The following CNGB1 variants were observed in gnomAD, a reference collection of about 807,000 sequenced individuals.
The protein encoded by CNGB1 is cyclic nucleotide gated channel subunit beta 1.
Under a neutral mutation model 151.7 loss-of-function variants are expected in CNGB1, and 126 were observed. The ratio of observed to expected loss-of-function variants is 0.83; its 90% CI spans 0.72 to 0.96. CNGB1 has a LOEUF of 0.96. Ranked by LOEUF, CNGB1 falls within the 40% of genes least tolerant of loss-of-function variation. The pLI is 0.00. For synonymous variants in CNGB1, 623 were observed against 635.1 expected, an observed-to-expected ratio of 0.98 and a Z score of 0.29; for missense variants, 1,698 against 1,627.0, an observed-to-expected ratio of 1.04 and a Z score of -0.75.
At chr16:57,895,550 TTTA>T (rs1960200679) in intron 31 of CNGB1, among the ~76,000 whole-genome samples, 1 of 147,422 alleles carries the variant, frequency 6.8e-6, no homozygotes, top group African/African-American at 2.5e-5. Context: ...ATATGTATTT[TTTA>T]TATATATATA....
chr16:57,965,989 T>C (rs1425508010), intron 2 of CNGB1, among the ~76,000 whole-genome samples: 1 of 152,170 alleles, frequency 6.6e-6, no homozygotes, highest in Non-Finnish European at 1.5e-5. Flanking sequence ...ACGCACACCC[T>C]ATACCTGTTT....
At chr16:57,947,411 T>G (rs565488838) in intron 14 of CNGB1, among the ~76,000 whole-genome samples, 1 of 152,262 alleles carries the variant, frequency 6.6e-6, no homozygotes, top group East Asian at 1.9e-4. Flanking sequence ...AACAAGCTGC[T>G]CTAATGAAAC....
chr16:57,897,408 C>A lies in CNGB1; in HGVS notation c.3231G>T (p.Arg1077=). The change falls in exon 31 of 33, where the codon CGG becomes CGT. Residue 1077 remains arginine (R), a synonymous_variant. Coordinates refer to ENST00000251102, the MANE Select transcript of CNGB1 (RefSeq NM_001297.5). Reference sequence around the variant, plus strand: ...GAAAAGTTACATACCTGGCTTTCTTCCGGAGTAACTTCTGAGACTCAGGAT... The same window carrying A: ...GAAAAGTTACATACCTGGCTTTCTTACGGAGTAACTTCTGAGACTCAGGAT... ...VHYPESQKLL[R]KKARRMLRSN... 6.2e-7 allele frequency: 1 copy of A among 1,614,120 alleles called. No individual in the cohort carries two copies. Among genetic ancestry groups the A allele is most frequent in the Non-Finnish European group, 8.5e-7 (1 of 1,180,014 alleles).
At chr16:57,959,568 T>A (rs939235235) in intron 10 of CNGB1, among the ~76,000 whole-genome samples, 1 of 151,988 alleles carries the variant, frequency 6.6e-6, no homozygotes, top group Admixed American at 6.6e-5. Flanking sequence ...CACCACTGCA[T>A]TCCAGCCTAG....
At chr16:57,910,446 C>G (rs1960677744) in intron 25 of CNGB1, among the ~76,000 whole-genome samples, 1 of 152,172 alleles carries the variant, frequency 6.6e-6, no homozygotes, top group South Asian at 2.1e-4. Flanking sequence ...GCAATTTCAT[C>G]TCACCACAAC....
In CNGB1 at chr16:57,967,136, C is replaced by T. The variant is rs1489659962; in HGVS notation, c.151G>A (p.Glu51Lys). ...PNPEEAETESESMPPEESFKE... is the reference protein window; with the variant it reads ...PNPEEAETESKSMPPEESFKE... ...CCCGCTCTACCTCTCACCATGGACT[C>T]GGACTCTGTCTCGGCCTCCTCAGGA... Residue 51 changes from glutamate to lysine, a missense_variant, in exon 2 of 33, where the codon GAG (glutamate) becomes AAG (lysine). Coordinates refer to ENST00000251102, the MANE Select transcript of CNGB1 (RefSeq NM_001297.5). 13 of 1,614,044 alleles carry T rather than the reference C, an allele frequency of 8.1e-6. No individual in the cohort carries two copies. The highest frequency in any genetic ancestry group is 3.3e-5 in the South Asian group (3 of 91,088).
At chr16:57,912,049 G>A in intron 24 of CNGB1, 174 bp from the exon 25 acceptor site, 1 of 782,382 alleles carries the variant, frequency 1.3e-6, no homozygotes, top group Non-Finnish European at 2.1e-6. Flanking sequence ...CCTGGGGCTA[G>A]GATTGGAACA....
chr16:57,912,081 C>T (rs1440627639), intron 24 of CNGB1, among the ~76,000 whole-genome samples: 1 of 151,624 alleles, frequency 6.6e-6, no homozygotes, highest in Admixed American at 6.6e-5. Context: ...GCTGACTGTG[C>T]ACTGGGGGAT....
chr16:57,964,363 C>A, intron 3 of CNGB1, 124 bp downstream of exon 3: 1 of 1,414,642 alleles, frequency 7.1e-7, no homozygotes, highest in Non-Finnish European at 9.9e-7. Flanking sequence ...CCACCCTTAG[C>A]TTCTCTGAGT....
intron 29 of CNGB1, among the ~76,000 whole-genome samples, chr16:57,898,709 C>T (rs1960302075): frequency 6.6e-6 from 1 of 152,204 alleles, no homozygotes; most frequent in Non-Finnish European, 1.5e-5. Flanking sequence ...AGCCACTGTG[C>T]CCAGCCCCAA....
intron 17 of CNGB1, among the ~76,000 whole-genome samples, chr16:57,927,380 C>T (rs1961218385): frequency 6.6e-6 from 1 of 152,218 alleles, no homozygotes; most frequent in African/African-American, 2.4e-5. Flanking sequence ...CCCTCGGCCT[C>T]TACAGAGAGG....
chr16:57,949,321 G>A, intron 14 of CNGB1, 32 bp downstream of exon 14: 2 of 1,604,522 alleles, frequency 1.2e-6, no homozygotes, highest in South Asian at 2.2e-5. Context: ...CAGCCCCAGG[G>A]CCGTTCCCAG....
At chr16:57,889,407 C>T (rs538370586) in intron 31 of CNGB1, among the ~76,000 whole-genome samples, 3 of 152,226 alleles carry the variant, frequency 2.0e-5, no homozygotes, top group African/African-American at 7.2e-5. Context: ...GGAGCTGGGG[C>T]CCCAGTCCTA....
At position 57,917,469 on chromosome 16, in the gene CNGB1, C is replaced by T. The variant is rs1262215377; in HGVS notation, c.1965G>A (p.Met655Ile). 1 of 1,613,946 alleles carries T rather than the reference C, an allele frequency of 6.2e-7. No individual in the cohort carries two copies. The highest frequency in any genetic ancestry group is 8.5e-7 in the Non-Finnish European group (1 of 1,180,016). Residue 655 changes from methionine (M) to isoleucine (I), a missense_variant, in exon 21 of 33, where the codon ATG becomes ATA. Transcript: ENST00000251102. ...CCACGAAGAACAGCCATAGGACATA[C>T]ATCAGGTCTGTGGGGAAGGTTGACG... The part of the protein sequence containing the change: ...PQSIDPLTNL[M>I]YVLWLFFVVM...
At chr16:57,888,211 G>A (rs781584346) in intron 31 of CNGB1, 137 bp from the exon 32 acceptor site, 80 of 855,246 alleles carry the variant, frequency 9.4e-5, no homozygotes, top group Non-Finnish European at 1.3e-4. Flanking sequence ...TTTTTTCTGG[G>A]CCAAGCGTCG....
At chr16:57,900,349 G>A (rs1276890701) in intron 29 of CNGB1, among the ~76,000 whole-genome samples, 1 of 152,212 alleles carries the variant, frequency 6.6e-6, no homozygotes, top group Admixed American at 6.5e-5. Flanking sequence ...ATATAACCTG[G>A]AGACAGGGAC....
chr16:57,904,884 A>G lies in CNGB1; in HGVS notation c.2493-9T>C. On this transcript the variant is annotated splice_polypyrimidine_tract_variant and intron_variant, in intron 25 of 32. Coordinates refer to ENST00000251102, the MANE Select transcript of CNGB1 (RefSeq NM_001297.5). ...AGTAACAGCGAATATAACTGGAGAG[A>G]GAGGAGAAAGGGAACATGGGTCATC... The G allele has an allele frequency of 6.2e-7, 1 of 1,614,144 alleles. No individual in the cohort carries two copies. Among genetic ancestry groups the G allele is most frequent in the Non-Finnish European group, 8.5e-7 (1 of 1,180,024 alleles).
intron 1 of CNGB1, 104 bp from the exon 2 acceptor site, chr16:57,967,398 T>A: frequency 8.0e-7 from 1 of 1,245,976 alleles, no homozygotes; most frequent in Non-Finnish European, 1.2e-6. Context: ...CTTCATCAAC[T>A]TTAAAAACAT....
intron 16 of CNGB1, among the ~76,000 whole-genome samples, chr16:57,933,859 A>C (rs1961430388): frequency 2.0e-5 from 3 of 150,776 alleles, no homozygotes. Context: ...AGTAGCTGGG[A>C]TTACAGGCCC....
Sources: allele counts gnomAD v4.1 joint callset (sites outside exome capture counted in the v4.1 genomes callset), GRCh38; gene constraint gnomAD v4.1.1; transcripts MANE v1.5; gene names NCBI Gene and HGNC (gene_info 2026-07-23, HGNC 2026-07-21).